TAF2: variants seen among roughly 807,000 people sequenced by gnomAD.
TAF2 encodes the protein transcription initiation factor TFIID subunit 2.
A neutral mutation model predicts 138.5 loss-of-function variants in TAF2; 61 were observed. The observed-to-expected ratio is 0.44, with a 90% CI of 0.36 to 0.54. The LOEUF (loss-of-function observed/expected upper bound fraction) is 0.54, where lower values mean the gene tolerates loss of function less well. Among genes scored for constraint, TAF2 ranks in the 20% least tolerant of loss-of-function variants. TAF2 has a pLI of 0.00. For synonymous variants in TAF2, 475 were observed against 469.9 expected, an observed-to-expected ratio of 1.01 and a Z score of -0.14; for missense variants, 1,090 against 1,427.9, an observed-to-expected ratio of 0.76 and a Z score of 3.81.
At chr8:119,815,314 G>A (rs546219640) in intron 3 of TAF2, among the ~76,000 whole-genome samples, 51 of 150,576 alleles carry the variant, frequency 3.4e-4, no homozygotes, top group Admixed American at 3.0e-3. Context: ...TCACTCTGTC[G>A]CCCAGGCTGG....
At position 119,794,150 on chromosome 8, in the gene TAF2, C is replaced by T. The variant is rs140282308; in HGVS notation, c.1192-699G>A. On this transcript the variant is annotated intron_variant, in intron 9 of 25. Transcript: ENST00000378164. ...CAGTGGCTCACATCTGTAATCCCAGCACTTTGGGAGGCTGAGGCAAGTGGA... is the reference window on the plus strand; with the variant it reads ...CAGTGGCTCACATCTGTAATCCCAGTACTTTGGGAGGCTGAGGCAAGTGGA... Among the ~76,000 whole-genome samples the T allele has an allele frequency of 4.4e-3, 676 of 152,180 alleles. 8 individuals carry two copies. Among genetic ancestry groups the T allele is most frequent in the African/African-American group, 0.016 (645 of 41,524 alleles).
At chr8:119,760,761 TA>T in intron 19 of TAF2, 23 bp from the exon 20 acceptor site, 1 of 1,613,498 alleles carries the variant, frequency 6.2e-7, no homozygotes. Flanking sequence ...ATACGTATGT[TA>T]ACTACTTTCA....
At chr8:119,750,580 T>C (rs1820282157) in intron 22 of TAF2, among the ~76,000 whole-genome samples, 1 of 151,960 alleles carries the variant, frequency 6.6e-6, no homozygotes, top group Admixed American at 6.6e-5. Context: ...TTTCTATTTA[T>C]GTGTGTGTGT....
chr8:119,791,187 A>G, intron 11 of TAF2, 137 bp downstream of exon 11: 1 of 945,786 alleles, frequency 1.1e-6, no homozygotes, highest in East Asian at 2.6e-5. Context: ...AAATGCAAAT[A>G]TAAAGCACAG....
intron 2 of TAF2, among the ~76,000 whole-genome samples, chr8:119,820,556 T>A (rs899189712): frequency 6.6e-6 from 1 of 151,640 alleles, no homozygotes; most frequent in Non-Finnish European, 1.5e-5. Context: ...ACAGATAAGA[T>A]AAGAAAGGCA....
At chr8:119,778,241 G>C (rs1822394682) in intron 17 of TAF2, 112 bp from the exon 18 acceptor site, 1 of 658,468 alleles carries the variant, frequency 1.5e-6, no homozygotes, top group East Asian at 2.8e-5. Context: ...TAGATATCTG[G>C]ATGGAGCCTA....
chr8:119,782,595 A>C (rs1822743224), intron 16 of TAF2, among the ~76,000 whole-genome samples: 1 of 152,194 alleles, frequency 6.6e-6, no homozygotes, highest in African/African-American at 2.4e-5. Context: ...CACTAAATGG[A>C]AAATGAACCT....
intron 3 of TAF2, among the ~76,000 whole-genome samples, chr8:119,818,110 A>T (rs917237605): frequency 6.6e-6 from 1 of 152,248 alleles, no homozygotes; most frequent in African/African-American, 2.4e-5. Context: ...AAATATGTCT[A>T]AAAATAAGCC....
intron 9 of TAF2, among the ~76,000 whole-genome samples, chr8:119,794,614 T>C (rs1823689818): frequency 6.6e-6 from 1 of 152,196 alleles, no homozygotes; most frequent in South Asian, 2.1e-4. Flanking sequence ...TCTTCATCTA[T>C]AAAATGGGAA....
In TAF2 at chr8:119,812,753, A is replaced by G. The variant is rs62526603; in HGVS notation, c.300-6352T>C. ...TGTGTGTGTGTGTGTGTGTGTGTGT[A>G]TATATGTGTGTATATATGGTGTATG... On this transcript the variant is annotated intron_variant, in intron 3 of 25. Transcript: ENST00000378164. Among the ~76,000 whole-genome samples the G allele has an allele frequency of 6.2e-3, 441 of 70,760 alleles. 4 individuals are homozygous for G. The highest frequency in any genetic ancestry group is 9.2e-3 in the South Asian group (23 of 2,498). The allele number at this position is 70,760 out of a possible 152,430, so 46.4% of individuals were successfully genotyped here.
chr8:119,781,216 G>A (rs1170029420), intron 16 of TAF2, 23 bp from the exon 17 acceptor site: 4 of 1,613,484 alleles, frequency 2.5e-6, no homozygotes, highest in Non-Finnish European at 3.4e-6. Context: ...AGAAAACAAA[G>A]TAATTTCCAT....
At chr8:119,814,342 T>A (rs1336532287) in intron 3 of TAF2, among the ~76,000 whole-genome samples, 2 of 151,944 alleles carry the variant, frequency 1.3e-5, no homozygotes, top group Non-Finnish European at 2.9e-5. Flanking sequence ...TACTTAACCA[T>A]AATCAATAAG....
chr8:119,750,193 T>C (rs757556102), intron 22 of TAF2, among the ~76,000 whole-genome samples: 10 of 151,982 alleles, frequency 6.6e-5, no homozygotes, highest in Admixed American at 1.3e-4. Flanking sequence ...ATACAAAAAT[T>C]AGCCGGGCAT....
chr8:119,824,156 C>G (rs1269161148), intron 2 of TAF2, among the ~76,000 whole-genome samples: 1 of 152,084 alleles, frequency 6.6e-6, no homozygotes, highest in Admixed American at 6.6e-5. Context: ...CCGGGCCGGG[C>G]ATGGCGGCTC....
At chr8:119,752,471 C>T (rs1820418315) in intron 22 of TAF2, among the ~76,000 whole-genome samples, 1 of 152,068 alleles carries the variant, frequency 6.6e-6, no homozygotes, top group African/African-American at 2.4e-5. Flanking sequence ...GATATGGTCA[C>T]TAAAGTGATT....
chr8:119,797,883 A>G (rs111768668), intron 6 of TAF2, 37 bp from the exon 7 acceptor site: 11 of 1,601,442 alleles, frequency 6.9e-6, no homozygotes, highest in Non-Finnish European at 8.5e-6. Context: ...TCTAAATGAA[A>G]GAGTTAAATT....
chr8:119,768,999 CCTGT>C (rs540725050), intron 18 of TAF2, among the ~76,000 whole-genome samples: 12 of 152,258 alleles, frequency 7.9e-5, no homozygotes, highest in East Asian at 3.9e-4. Context: ...CACATTTCTG[CCTGT>C]CTAAGACTTG....
At position 119,781,129 on chromosome 8, in the gene TAF2, A is replaced by C. The variant is rs1026495699; in HGVS notation, c.2177T>G (p.Met726Arg). 3.1e-6 allele frequency: 5 copies of C among 1,614,008 alleles called. No homozygotes were observed. In the African/African-American group the frequency reaches 5.3e-5, roughly 17 times the overall value. ...PPAMKSLFTRMFCCKSCPNIV... is the reference protein window; with the variant it reads ...PPAMKSLFTRRFCCKSCPNIV... ...GTTTGGACAACTTTTACAACAAAAC[A>C]TCCTAGTGAAGAGTGACTTCATGGC... Residue 726 changes from methionine to arginine, a missense_variant, in exon 17 of 26, where the codon ATG becomes AGG. Coordinates refer to ENST00000378164, the MANE Select transcript of TAF2 (RefSeq NM_003184.4).
Position 119,819,015 on chromosome 8 carries a change from T to C in TAF2, c.299+331A>G, listed in dbSNP as rs985916254. 2.6e-5 allele frequency among the ~76,000 whole-genome samples: 4 copies of C among 152,290 alleles called. No homozygotes were observed. The South Asian group carries it at 6.2e-4, about 24-fold the overall frequency. On this transcript the variant is annotated intron_variant, in intron 3 of 25. Coordinates refer to ENST00000378164, the MANE Select transcript of TAF2 (RefSeq NM_003184.4). ...TGGTCTACAGATTACAGTGACCATC[T>C]AACCCACTGAAAATTACTTTCAAAA...
Sources: allele counts gnomAD v4.1 joint callset (sites outside exome capture counted in the v4.1 genomes callset), GRCh38; gene constraint gnomAD v4.1.1; transcripts MANE v1.5; gene names NCBI Gene and HGNC (gene_info 2026-07-23, HGNC 2026-07-21).